Variants in CNBD1 observed in about 807,000 individuals in gnomAD.
The protein encoded by CNBD1 is cyclic nucleotide binding domain containing 1.
CNBD1 carries 71 observed loss-of-function variants against 54.4 expected under a neutral mutation model. That is an observed-to-expected ratio of 1.30 (90% confidence interval 1.08 to 1.59). CNBD1 has a LOEUF of 1.59. Ranked by LOEUF, CNBD1 falls within the 40% of genes most tolerant of loss-of-function variation. The pLI, the probability that CNBD1 is intolerant of heterozygous loss-of-function variation, is 0.00. For synonymous variants in CNBD1, 182 were observed against 170.7 expected (o/e 1.07, Z -0.51); for missense variants, 659 against 518.0 (o/e 1.27, Z -2.64).
At chr8:87,056,959 C>T (rs1297199241) in intron 4 of CNBD1, among the ~76,000 whole-genome samples, 1 of 152,186 alleles carries the variant, frequency 6.6e-6, no homozygotes, top group Non-Finnish European at 1.5e-5. Context: ...ATAACTTCCT[C>T]CCTTTGTGTG....
chr8:87,160,635 A>G (rs1039136989), intron 4 of CNBD1, among the ~76,000 whole-genome samples: 2 of 152,174 alleles, frequency 1.3e-5, no homozygotes, highest in Non-Finnish European at 2.9e-5. Flanking sequence ...ACTTTCTCTA[A>G]GGAAATACCT....
chr8:87,300,030 G>C (rs1808953181), intron 8 of CNBD1, among the ~76,000 whole-genome samples: 2 of 152,124 alleles, frequency 1.3e-5, no homozygotes, highest in African/African-American at 4.8e-5. Flanking sequence ...GAAACATGAA[G>C]AGTTTTCTTA....
chr8:87,069,799 TATA>T (rs901985690), intron 4 of CNBD1, among the ~76,000 whole-genome samples: 1 of 152,114 alleles, frequency 6.6e-6, no homozygotes, highest in Non-Finnish European at 1.5e-5. Context: ...CATATGGGCA[TATA>T]ATACATTTAC....
At chr8:87,018,333 C>G (rs925387572) in intron 4 of CNBD1, among the ~76,000 whole-genome samples, 2 of 152,092 alleles carry the variant, frequency 1.3e-5, no homozygotes, top group Non-Finnish European at 2.9e-5. Context: ...CATAATAAGC[C>G]TAAAACTTAC....
chr8:87,337,618 T>C (rs1319386428), intron 8 of CNBD1, among the ~76,000 whole-genome samples: 4 of 152,202 alleles, frequency 2.6e-5, no homozygotes, highest in East Asian at 1.9e-4. Context: ...TTGAGTGTGA[T>C]CTTCCAATCT....
At chr8:87,347,088 T>G (rs1810190287) in intron 8 of CNBD1, among the ~76,000 whole-genome samples, 1 of 152,206 alleles carries the variant, frequency 6.6e-6, no homozygotes, top group African/African-American at 2.4e-5. Context: ...CATTTGATCT[T>G]TCACACGTAC....
chr8:87,002,785 TTTGA>T (rs1809019969), intron 4 of CNBD1, among the ~76,000 whole-genome samples: 1 of 152,188 alleles, frequency 6.6e-6, no homozygotes, highest in African/African-American at 2.4e-5. Flanking sequence ...ATGTAATTTA[TTTGA>T]TTATGTTTCT....
At chr8:86,887,660 AT>A in intron 2 of CNBD1, 49 bp downstream of exon 2, 1 of 1,335,542 alleles carries the variant, frequency 7.5e-7, no homozygotes, top group Non-Finnish European at 1.0e-6. Context: ...GAATATGAGT[AT>A]TTTTGTTTTA....
chr8:86,978,545 T>A (rs1808396494), intron 4 of CNBD1, among the ~76,000 whole-genome samples: 1 of 141,282 alleles, frequency 7.1e-6, no homozygotes, highest in Non-Finnish European at 1.5e-5. Context: ...TTTTTTTTTT[T>A]TTTTTTTTTT....
At chr8:87,272,945 T>C (rs1409411347) in intron 6 of CNBD1, among the ~76,000 whole-genome samples, 2 of 152,098 alleles carry the variant, frequency 1.3e-5, no homozygotes, top group Non-Finnish European at 2.9e-5. Context: ...CCAAAAATTG[T>C]TAATATGCTT....
At chr8:87,071,818 T>C (rs1810764808) in intron 4 of CNBD1, among the ~76,000 whole-genome samples, 1 of 152,152 alleles carries the variant, frequency 6.6e-6, no homozygotes. Context: ...TGTAGATATC[T>C]ATCAAGTCCA....
intron 4 of CNBD1, among the ~76,000 whole-genome samples, chr8:87,161,838 A>G (rs1812864477): frequency 6.6e-6 from 1 of 152,140 alleles, no homozygotes; most frequent in Non-Finnish European, 1.5e-5. Context: ...ACATTTCACT[A>G]GTTTATTCAA....
At chr8:87,331,949 T>C (rs1809841637) in intron 8 of CNBD1, among the ~76,000 whole-genome samples, 1 of 152,216 alleles carries the variant, frequency 6.6e-6, no homozygotes, top group Admixed American at 6.5e-5. Flanking sequence ...TCCCTGTAAA[T>C]TCTGTATATT....
At chr8:87,394,182 T>G (rs1811368323) in intron 2 of CNBD1, among the ~76,000 whole-genome samples, 1 of 151,862 alleles carries the variant, frequency 6.6e-6, no homozygotes, top group Non-Finnish European at 1.5e-5. Flanking sequence ...CTATTTAAAA[T>G]CAGAATTGCC....
At chr8:86,976,701 T>G (rs143900238) in intron 4 of CNBD1, among the ~76,000 whole-genome samples, 182 of 152,152 alleles carry the variant, frequency 1.2e-3, no homozygotes, top group African/African-American at 4.1e-3. Context: ...TTGTGTTTTC[T>G]TTCACCAGTG....
intron 8 of CNBD1, among the ~76,000 whole-genome samples, chr8:87,327,333 C>A (rs889779554): frequency 6.7e-6 from 1 of 150,272 alleles, no homozygotes; most frequent in Non-Finnish European, 1.5e-5. Flanking sequence ...GGGCTCCACC[C>A]AGTTCGAGCT....
At chr8:87,379,963 A>C (rs946681017) in intron 10 of CNBD1, among the ~76,000 whole-genome samples, 1 of 151,932 alleles carries the variant, frequency 6.6e-6, no homozygotes, top group Non-Finnish European at 1.5e-5. Context: ...ACATTTACCA[A>C]GTGGTAAAAT....
intron 4 of CNBD1, among the ~76,000 whole-genome samples, chr8:87,178,356 A>G (rs1349210174): frequency 6.6e-6 from 1 of 152,238 alleles, no homozygotes; most frequent in African/African-American, 2.4e-5. Context: ...GAGCAGAAAC[A>G]TGAAGGAGGA....
chr8:87,243,912 G>A (rs552812620), intron 6 of CNBD1, among the ~76,000 whole-genome samples: 1 of 152,110 alleles, frequency 6.6e-6, no homozygotes, highest in South Asian at 2.1e-4. Context: ...TGTGACTGGA[G>A]TATAAAGTTT....
Sources: allele counts gnomAD v4.1 joint callset (sites outside exome capture counted in the v4.1 genomes callset), GRCh38; gene constraint gnomAD v4.1.1; transcripts MANE v1.5; gene names NCBI Gene and HGNC (gene_info 2026-07-23, HGNC 2026-07-21).